Variants in NINL observed in about 807,000 individuals in gnomAD.
NINL encodes ninein-like protein.
A neutral mutation model predicts 160.3 loss-of-function variants in NINL; 153 were observed. That is an observed-to-expected ratio of 0.95 (90% CI 0.84 to 1.09). NINL has a LOEUF of 1.09. NINL is among the 50% of genes least tolerant of loss of function. The pLI, the probability that NINL is intolerant of heterozygous loss-of-function variation, is 0.00. For synonymous variants in NINL, 800 were observed against 734.8 expected, an observed-to-expected ratio of 1.09 and a Z score of -1.43; for missense variants, 1,829 against 1,764.0, an observed-to-expected ratio of 1.04 and a Z score of -0.66.
chr20:25,572,079 C>T (rs191204546), intron 1 of NINL, among the ~76,000 whole-genome samples: 7 of 152,220 alleles, frequency 4.6e-5, no homozygotes, highest in African/African-American at 1.7e-4. Context: ...CTCTGCAGAA[C>T]GCATGTGCAG....
In NINL at chr20:25,476,724, C is replaced by T. The variant is rs1275308034; in HGVS notation, c.2567G>A (p.Arg856Gln). ...ACCTGGGGCCAGCCAGGCCAGTGGC[C>T]GCTCCCCACAGCCCGGACGCAGTGG... ...LLPLRPGCGERPLAWLAPGDG... is the reference protein window; with the variant it reads ...LLPLRPGCGEQPLAWLAPGDG... The change falls in exon 17 of 24, where the codon CGG becomes CAG. Residue 856 changes from arginine to glutamine, a missense_variant. Arg to Gln is a conservative substitution (Grantham distance 43). Coordinates refer to ENST00000278886, the MANE Select transcript of NINL (RefSeq NM_025176.6). 14 of 1,602,444 alleles carry T rather than the reference C, an allele frequency of 8.7e-6. No homozygotes were observed. The highest frequency in any genetic ancestry group is 1.1e-5 in the South Asian group (1 of 90,466).
chr20:25,458,710 C>T, intron 21 of NINL, 181 bp from the exon 22 acceptor site: 1 of 660,362 alleles, frequency 1.5e-6, no homozygotes. Flanking sequence ...AGCCAGGCTG[C>T]TGTCAGCCAG....
At chr20:25,504,277 G>A (rs1255251070) in intron 6 of NINL, among the ~76,000 whole-genome samples, 173 bp from the exon 7 acceptor site, 3 of 149,942 alleles carry the variant, frequency 2.0e-5, no homozygotes, top group South Asian at 2.2e-4. Flanking sequence ...TTCCCAAGCC[G>A]ACCCCTCCCT....
chr20:25,496,226 G>A (rs139812903), intron 10 of NINL, among the ~76,000 whole-genome samples: 2,293 of 152,308 alleles, frequency 0.015, 34 homozygotes, highest in South Asian at 0.023. Context: ...AACTGTCCCC[G>A]CATCGGGGTC....
At chr20:25,570,246 T>C (rs1456716884) in intron 1 of NINL, among the ~76,000 whole-genome samples, 2 of 152,148 alleles carry the variant, frequency 1.3e-5, no homozygotes, top group Non-Finnish European at 2.9e-5. Flanking sequence ...TTTGGATCTG[T>C]GTCCTTGCCC....
At chr20:25,510,889 T>C (rs2064057975) in intron 4 of NINL, 149 bp from the exon 5 acceptor site, 1 of 645,414 alleles carries the variant, frequency 1.5e-6, no homozygotes, top group South Asian at 1.9e-5. Context: ...ACCCCCACCT[T>C]GGGGCTGCCC....
At chr20:25,495,404 C>T (rs542941661) in intron 10 of NINL, among the ~76,000 whole-genome samples, 15 of 152,202 alleles carry the variant, frequency 9.9e-5, no homozygotes, top group South Asian at 2.1e-4. Context: ...TTGCTAGCCA[C>T]GCTCAGCTGA....
intron 2 of NINL, among the ~76,000 whole-genome samples, chr20:25,524,503 C>T (rs940580257): frequency 6.6e-6 from 1 of 152,178 alleles, no homozygotes; most frequent in Non-Finnish European, 1.5e-5. Flanking sequence ...CCTGCCACTG[C>T]TTGTGGTACC....
chr20:25,578,122 T>C (rs1427272732), intron 1 of NINL, among the ~76,000 whole-genome samples: 1 of 151,492 alleles, frequency 6.6e-6, no homozygotes, highest in African/African-American at 2.4e-5. Flanking sequence ...GTGATTTTTT[T>C]TTTTTTTAGA....
chr20:25,454,593 G>A lies in NINL; in HGVS notation c.3958-951C>T, dbSNP rs180739893. ...TTGGGCTGAGCTCAGGATCCCTCATGTAGACCAAACCATACTGGATCACGA... is the reference window on the plus strand; with the variant it reads ...TTGGGCTGAGCTCAGGATCCCTCATATAGACCAAACCATACTGGATCACGA... On this transcript the variant is annotated intron_variant, in intron 23 of 23. Transcript: ENST00000278886. Among the ~76,000 whole-genome samples the A allele has an allele frequency of 2.4e-3, 359 of 152,318 alleles. 1 individual carries two copies. The highest frequency in any genetic ancestry group is 8.5e-3 in the African/African-American group (352 of 41,566).
At chr20:25,463,939 T>C (rs1041620339) in intron 19 of NINL, among the ~76,000 whole-genome samples, 5 of 152,202 alleles carry the variant, frequency 3.3e-5, no homozygotes, top group Non-Finnish European at 2.9e-5. Context: ...CAGTTGTGTA[T>C]GGTATAGAGC....
intron 1 of NINL, among the ~76,000 whole-genome samples, chr20:25,529,537 G>A (rs773625083): frequency 4.6e-5 from 7 of 152,186 alleles, no homozygotes; most frequent in African/African-American, 1.2e-4. Flanking sequence ...CAGACAGGGC[G>A]AAGACGAGTG....
intron 1 of NINL, among the ~76,000 whole-genome samples, chr20:25,542,342 G>A (rs1215157806): frequency 2.0e-5 from 3 of 152,096 alleles, no homozygotes; most frequent in African/African-American, 7.2e-5. Flanking sequence ...CTGCACACAG[G>A]AAAGATTACA....
intron 23 of NINL, among the ~76,000 whole-genome samples, chr20:25,454,448 T>C (rs1282048285): frequency 1.3e-5 from 2 of 151,886 alleles, no homozygotes; most frequent in Admixed American, 1.3e-4. Context: ...CTGAGGACTG[T>C]GGGTGTGTGC....
chr20:25,557,170 G>C (rs2064876373), intron 1 of NINL, among the ~76,000 whole-genome samples: 1 of 152,176 alleles, frequency 6.6e-6, no homozygotes, highest in Admixed American at 6.6e-5. Context: ...AAAAGTAAGT[G>C]GCTGTAACCT....
chr20:25,504,383 T>C (rs2063923587), intron 6 of NINL, among the ~76,000 whole-genome samples: 1 of 152,192 alleles, frequency 6.6e-6, no homozygotes, highest in Non-Finnish European at 1.5e-5. Flanking sequence ...CAGTGTCTGC[T>C]GGGGCTGGAT....
At position 25,517,763 on chromosome 20, in the gene NINL, A is replaced by G; in HGVS notation, c.267T>C (p.Ser89=). 6.3e-7 allele frequency: 1 copy of G among 1,598,450 alleles called. No homozygotes were observed. The change falls in exon 3 of 24, where the codon TCT becomes TCC. Residue 89 remains serine, a synonymous_variant. Transcript: ENST00000278886. ...AGGAAATCCTCTTACCTGATTCCAA[A>G]GAACTACTGTCTTCATCTGAGGGGC... The part of the protein sequence containing the change: ...GVRPSDEDSS[S]LESAASSAIP...
At chr20:25,526,883 G>A (rs1472901325) in intron 1 of NINL, among the ~76,000 whole-genome samples, 1 of 152,144 alleles carries the variant, frequency 6.6e-6, no homozygotes, top group African/African-American at 2.4e-5. Flanking sequence ...ATATCCATTA[G>A]GCCAGGTATG....
chr20:25,478,117 T>G (rs1327942247), intron 16 of NINL, among the ~76,000 whole-genome samples: 3 of 151,486 alleles, frequency 2.0e-5, no homozygotes, highest in African/African-American at 2.4e-5. Context: ...CTCAGCTAAT[T>G]TTTTGTGTTT....
Sources: allele counts gnomAD v4.1 joint callset (sites outside exome capture counted in the v4.1 genomes callset), GRCh38; gene constraint gnomAD v4.1.1; transcripts MANE v1.5; gene names NCBI Gene and HGNC (gene_info 2026-07-23, HGNC 2026-07-21).